The following SRPK2 variants were observed in gnomAD, a reference collection of about 807,000 sequenced individuals.
SRPK2 encodes the protein SFRS protein kinase 2.
Under a neutral mutation model 90.8 loss-of-function variants are expected in SRPK2, and 21 were observed. The observed-to-expected ratio is 0.23, with a 90% CI of 0.16 to 0.33. The LOEUF (loss-of-function observed/expected upper bound fraction) is 0.33. Ranked by LOEUF, SRPK2 falls within the 10% of genes least tolerant of loss-of-function variation. The pLI, the probability that SRPK2 is intolerant of heterozygous loss-of-function variation, is 1.00. For missense variants in SRPK2, 620 were observed against 869.0 expected, an observed-to-expected ratio of 0.71 and a Z score of 3.60; for synonymous variants, 288 against 311.1, an observed-to-expected ratio of 0.93 and a Z score of 0.78.
chr7:105,164,584 T>C (rs539920247), intron 6 of SRPK2, among the ~76,000 whole-genome samples: 1 of 152,362 alleles, frequency 6.6e-6, no homozygotes, highest in African/African-American at 2.4e-5. Context: ...TATGATTGTT[T>C]ACAAAAGTGT....
intron 3 of SRPK2, among the ~76,000 whole-genome samples, chr7:105,200,169 G>A (rs1056079983): frequency 6.6e-6 from 1 of 152,120 alleles, no homozygotes; most frequent in Non-Finnish European, 1.5e-5. Flanking sequence ...AGGCGTGGTG[G>A]CATGAGCCTG....
At chr7:105,329,900 C>A (rs955159081) in intron 2 of SRPK2, among the ~76,000 whole-genome samples, 2 of 151,176 alleles carry the variant, frequency 1.3e-5, no homozygotes, top group Non-Finnish European at 3.0e-5. Context: ...CCGGGTGTGG[C>A]GGCACACACC....
At chr7:105,386,168 G>A (rs1821565002) in intron 2 of SRPK2, among the ~76,000 whole-genome samples, 2 of 151,934 alleles carry the variant, frequency 1.3e-5, no homozygotes, top group Admixed American at 6.6e-5. Context: ...CAAAATATTA[G>A]CCGGGCGTGG....
At chr7:105,168,642 T>C (rs1436178311) in intron 4 of SRPK2, among the ~76,000 whole-genome samples, 1 of 151,786 alleles carries the variant, frequency 6.6e-6, no homozygotes, top group Non-Finnish European at 1.5e-5. Flanking sequence ...TAAGACTAGA[T>C]AAACATCAGA....
intron 3 of SRPK2, among the ~76,000 whole-genome samples, chr7:105,197,572 G>A (rs975617538): frequency 2.0e-5 from 3 of 152,206 alleles, no homozygotes; most frequent in East Asian, 1.9e-4. Context: ...AACAAAATAC[G>A]TACTGCATTA....
chr7:105,301,524 T>C (rs1354531986), intron 2 of SRPK2: 6 of 1,460,318 alleles, frequency 4.1e-6, no homozygotes, highest in Middle Eastern at 2.4e-4. Flanking sequence ...GTGTGACGAG[T>C]GCCAACGAGG....
rs116287520 is a variant in SRPK2 at position 105,147,786 on chromosome 7, T to G, written c.622-1128A>C. On this transcript the variant is annotated intron_variant, in intron 7 of 15. Transcript: ENST00000393651. ...AAATGGAATCATATAAAGTATTTTT[T>G]TGTAACTGGCATAATGTTTTCAAGT... 3.8e-3 allele frequency among the ~76,000 whole-genome samples: 580 copies of G among 152,366 alleles called. 3 individuals are homozygous for G. Among genetic ancestry groups the G allele is most frequent in the African/African-American group, 0.013 (545 of 41,588 alleles).
intron 2 of SRPK2, among the ~76,000 whole-genome samples, chr7:105,303,338 A>G (rs1810790716): frequency 6.6e-6 from 1 of 152,150 alleles, no homozygotes. Context: ...GGGGAGGGAC[A>G]GCATTAGGAG....
intron 2 of SRPK2, among the ~76,000 whole-genome samples, chr7:105,383,748 T>C (rs373090694): frequency 6.6e-6 from 1 of 152,122 alleles, no homozygotes; most frequent in African/African-American, 2.4e-5. Context: ...GAACAATGGA[T>C]AAATGGATAA....
chr7:105,281,145 G>T (rs1807276491), intron 2 of SRPK2, among the ~76,000 whole-genome samples: 1 of 151,374 alleles, frequency 6.6e-6, no homozygotes, highest in Non-Finnish European at 1.5e-5. Flanking sequence ...CGCCCAGGCT[G>T]GAGTATAGTA....
chr7:105,349,692 C>T (rs1323729249), intron 2 of SRPK2, among the ~76,000 whole-genome samples: 1 of 152,126 alleles, frequency 6.6e-6, no homozygotes, highest in Non-Finnish European at 1.5e-5. Flanking sequence ...ACTGAACAGA[C>T]ACAGCAGGAA....
chr7:105,138,161 GAGA>G (rs1270758225), intron 11 of SRPK2, among the ~76,000 whole-genome samples: 3 of 152,340 alleles, frequency 2.0e-5, no homozygotes, highest in Admixed American at 6.5e-5. Context: ...AGAAAGGAAA[GAGA>G]AGAAGAATGT....
intron 2 of SRPK2, among the ~76,000 whole-genome samples, chr7:105,241,091 T>C (rs960801425): frequency 1.3e-5 from 2 of 152,098 alleles, no homozygotes; most frequent in Non-Finnish European, 2.9e-5. Flanking sequence ...AGAGGCTGCA[T>C]GGTAAGAAAA....
chr7:105,389,389 T>C, upstream of SRPK2: 1 of 1,248,700 alleles, frequency 8.0e-7, no homozygotes, highest in African/African-American at 1.6e-5. Context: ...CTTCCTCCTC[T>C]CCGGCAGGCG....
intron 2 of SRPK2, among the ~76,000 whole-genome samples, chr7:105,342,853 A>T (rs1191193014): frequency 1.3e-5 from 2 of 152,222 alleles, no homozygotes; most frequent in Non-Finnish European, 2.9e-5. Context: ...ATAAAATGGA[A>T]TATATAAAAG....
chr7:105,287,030 G>A (rs1808198184), intron 2 of SRPK2, among the ~76,000 whole-genome samples: 1 of 151,984 alleles, frequency 6.6e-6, no homozygotes, highest in Admixed American at 6.6e-5. Context: ...GGGAGGCCGA[G>A]GCGGGCGGAT....
At chr7:105,194,979 A>G (rs976582964) in intron 3 of SRPK2, among the ~76,000 whole-genome samples, 2 of 152,210 alleles carry the variant, frequency 1.3e-5, no homozygotes, top group Non-Finnish European at 2.9e-5. Flanking sequence ...GTATATTTCA[A>G]AAAAACACCT....
intron 2 of SRPK2, among the ~76,000 whole-genome samples, chr7:105,278,461 G>A (rs1415138812): frequency 6.7e-6 from 1 of 149,918 alleles, no homozygotes; most frequent in Non-Finnish European, 1.5e-5. Flanking sequence ...ATGACCTGAG[G>A]TCCGCAGTTC....
Position 105,175,116 on chromosome 7 carries a change from G to A in SRPK2, c.230-5851C>T, listed in dbSNP as rs117975946. On this transcript the variant is annotated intron_variant, in intron 3 of 15. Transcript: ENST00000393651. ...GATCACACCACTGCACTGCAGCCTG[G>A]GCCACAGAGTTAAACTCCGTTTCAA... Among the ~76,000 whole-genome samples, 465 of 151,526 alleles carry A rather than the reference G, an allele frequency of 3.1e-3. 14 individuals carry two copies. In the East Asian group the frequency reaches 0.062, roughly 20 times the overall value.
Sources: gnomAD v4.1 joint callset for allele counts (sites outside exome capture counted in the v4.1 genomes callset) on GRCh38, gnomAD v4.1.1 for gene constraint, MANE v1.5 for transcripts, NCBI Gene and HGNC (gene_info 2026-07-23, HGNC 2026-07-21) for gene names.